The following SCGN variants were observed in gnomAD, a reference collection of about 807,000 sequenced individuals.
SCGN encodes secretagogin.
A neutral mutation model predicts 39.7 loss-of-function variants in SCGN; 30 were observed. The ratio of observed to expected loss-of-function variants is 0.76; its 90% CI spans 0.57 to 1.03. The LOEUF (loss-of-function observed/expected upper bound fraction) is 1.03, where lower values mean the gene tolerates loss of function less well. SCGN is among the 50% of genes least tolerant of loss of function. The pLI is 0.00. For missense variants in SCGN, 353 were observed against 349.4 expected (o/e 1.01, Z -0.08); for synonymous variants, 106 against 114.1 (o/e 0.93, Z 0.45).
chr6:25,674,201 A>G (rs1009943332), intron 6 of SCGN, among the ~76,000 whole-genome samples: 5 of 152,184 alleles, frequency 3.3e-5, no homozygotes, highest in Non-Finnish European at 7.4e-5. Context: ...TCAGCTTCTC[A>G]TTGGCTTTTT....
chr6:25,685,337 A>C (rs942363710), intron 7 of SCGN, among the ~76,000 whole-genome samples: 4 of 152,210 alleles, frequency 2.6e-5, no homozygotes, highest in Non-Finnish European at 5.9e-5. Flanking sequence ...TTCTCTCTCT[A>C]CTTTCAGCTG....
intron 7 of SCGN, among the ~76,000 whole-genome samples, chr6:25,683,422 A>G (rs1759663673): frequency 6.6e-6 from 1 of 152,150 alleles, no homozygotes; most frequent in South Asian, 2.1e-4. Flanking sequence ...CACGTCTCAG[A>G]GGTAGTGAGA....
chr6:25,674,773 T>C (rs1759543995), intron 6 of SCGN, among the ~76,000 whole-genome samples: 1 of 152,242 alleles, frequency 6.6e-6, no homozygotes. Flanking sequence ...TCCTGATTCC[T>C]AATTAATGTT....
intron 7 of SCGN, among the ~76,000 whole-genome samples, chr6:25,688,077 G>A (rs1400590408): frequency 6.6e-6 from 1 of 152,010 alleles, no homozygotes; most frequent in African/African-American, 2.4e-5. Flanking sequence ...TTATGAAATT[G>A]TCATTTAAAT....
Position 25,701,375 on chromosome 6 carries a change from TG to T in SCGN, c.*41del. ...GCCTTTTGCTCTTACTATGTTTCTGTGATCTTGCTGGTAGAATTGTATCTGT... is the reference window on the plus strand; with the variant it reads ...GCCTTTTGCTCTTACTATGTTTCTGTATCTTGCTGGTAGAATTGTATCTGT... On this transcript the variant is annotated 3_prime_UTR_variant, in exon 11 of 11. Coordinates refer to ENST00000377961, the MANE Select transcript of SCGN (RefSeq NM_006998.4). 1 of 1,593,836 alleles carries T rather than the reference TG, an allele frequency of 6.3e-7. No individual in the cohort carries two copies. The highest frequency in any genetic ancestry group is 8.5e-7 in the Non-Finnish European group (1 of 1,170,582).
At chr6:25,689,655 T>C in intron 9 of SCGN, 123 bp downstream of exon 9, 1 of 777,884 alleles carries the variant, frequency 1.3e-6, no homozygotes, top group Non-Finnish European at 2.2e-6. Context: ...CCCATCTGTG[T>C]GTTCTAGGTC....
At chr6:25,667,243 C>G (rs1760438624) in intron 4 of SCGN, among the ~76,000 whole-genome samples, 1 of 152,018 alleles carries the variant, frequency 6.6e-6, no homozygotes, top group Non-Finnish European at 1.5e-5. Context: ...AATCACATGG[C>G]CCTATGGAGG....
chr6:25,653,308 A>G, intron 1 of SCGN, 74 bp from the exon 2 acceptor site: 1 of 1,077,930 alleles, frequency 9.3e-7, no homozygotes, highest in Non-Finnish European at 1.4e-6. Context: ...GTGAGATTAA[A>G]AACATATTTA....
At chr6:25,676,732 A>T (rs1759567270) in intron 6 of SCGN, among the ~76,000 whole-genome samples, 1 of 152,214 alleles carries the variant, frequency 6.6e-6, no homozygotes, top group African/African-American at 2.4e-5. Context: ...CATGTTACGT[A>T]TGTAAAACAG....
intron 3 of SCGN, among the ~76,000 whole-genome samples, chr6:25,662,056 G>C (rs1421681115): frequency 6.6e-6 from 1 of 152,130 alleles, no homozygotes; most frequent in African/African-American, 2.4e-5. Flanking sequence ...CCCAGTGCAG[G>C]TGGGAAAGAT....
At chr6:25,659,754 C>T (rs1760303854) in intron 2 of SCGN, among the ~76,000 whole-genome samples, 1 of 151,968 alleles carries the variant, frequency 6.6e-6, no homozygotes, top group African/African-American at 2.4e-5. Flanking sequence ...TGCTGTCTTC[C>T]CTGGGTTTTA....
chr6:25,687,667 T>C (rs4711093), intron 7 of SCGN, among the ~76,000 whole-genome samples: 42,960 of 151,974 alleles, frequency 0.28, 6,972 homozygotes, highest in East Asian at 0.67. Flanking sequence ...TCTCTGCTTT[T>C]AATGGAGTAT....
intron 10 of SCGN, among the ~76,000 whole-genome samples, chr6:25,695,651 T>C (rs1759828398): frequency 6.6e-6 from 1 of 152,156 alleles, no homozygotes; most frequent in African/African-American, 2.4e-5. Flanking sequence ...TGCCTCAGCC[T>C]CCTGAGTAGC....
In SCGN at chr6:25,652,266, C is replaced by T. The variant is rs1195358286; in HGVS notation, c.-138C>T. 1.4e-6 allele frequency: 1 copy of T among 701,818 alleles called. No individual in the cohort carries two copies. The highest frequency in any genetic ancestry group is 2.5e-6 in the Non-Finnish European group (1 of 407,002). 43.5% of individuals were successfully genotyped at this position (701,818 alleles called of 1,614,324 possible). A position where few individuals can be genotyped will look rare whatever the true frequency, so the allele number is the denominator to read the frequency against. ...ACGCCACGGCCAGCAGCGCTCGCGT[C>T]CTCCCCAGCAACAGTTACTCAAAGC... On this transcript the variant is annotated 5_prime_UTR_variant, in exon 1 of 11. Transcript: ENST00000377961.
chr6:25,660,147 A>G (rs1238325524), intron 2 of SCGN, among the ~76,000 whole-genome samples: 1 of 152,148 alleles, frequency 6.6e-6, no homozygotes, highest in Non-Finnish European at 1.5e-5. Context: ...GGGAGATAAT[A>G]TTTGTTAAAG....
chr6:25,694,710 T>C (rs1170658755), intron 10 of SCGN, among the ~76,000 whole-genome samples: 1 of 152,262 alleles, frequency 6.6e-6, no homozygotes, highest in African/African-American at 2.4e-5. Flanking sequence ...TGCATACGTT[T>C]ACTGTGCCTT....
chr6:25,669,874 T>A (rs1270721879), intron 5 of SCGN, 125 bp from the exon 6 acceptor site: 7 of 843,194 alleles, frequency 8.3e-6, no homozygotes, highest in African/African-American at 5.1e-5. Context: ...GATTTATTGC[T>A]TGCTAAAAGC....
chr6:25,693,858 A>G (rs1257039653), intron 10 of SCGN, among the ~76,000 whole-genome samples: 3 of 152,164 alleles, frequency 2.0e-5, no homozygotes, highest in Non-Finnish European at 4.4e-5. Context: ...GTCTGATTTT[A>G]CCACTCCCTG....
At chr6:25,673,702 C>G (rs1759528677) in intron 6 of SCGN, among the ~76,000 whole-genome samples, 1 of 152,154 alleles carries the variant, frequency 6.6e-6, no homozygotes, top group Non-Finnish European at 1.5e-5. Flanking sequence ...CAGTTAAGTA[C>G]TCATTTTGGT....
Sources: gnomAD v4.1 joint callset for allele counts (sites outside exome capture counted in the v4.1 genomes callset) on GRCh38, gnomAD v4.1.1 for gene constraint, MANE v1.5 for transcripts, NCBI Gene and HGNC (gene_info 2026-07-23, HGNC 2026-07-21) for gene names.